DNAJC24: variants seen among roughly 807,000 people sequenced by gnomAD.
DNAJC24 encodes dnaJ homolog subfamily C member 24.
Under a neutral mutation model 18.0 loss-of-function variants are expected in DNAJC24, and 17 were observed. That is an observed-to-expected ratio of 0.94 (90% CI 0.65 to 1.42). The LOEUF is 1.42. Ranked by LOEUF, DNAJC24 falls within the 40% of genes most tolerant of loss-of-function variation. DNAJC24 has a pLI of 0.00. For missense variants in DNAJC24, 158 were observed against 175.6 expected, an observed-to-expected ratio of 0.90 and a Z score of 0.57; for synonymous variants, 55 against 57.7, an observed-to-expected ratio of 0.95 and a Z score of 0.21.
At chr11:31,415,544 A>C (rs1591918724) in intron 3 of DNAJC24, 1 of 152,258 alleles carries the variant, frequency 6.6e-6, no homozygotes, top group South Asian at 2.1e-4. Flanking sequence ...TGAGAAAGAA[A>C]GAGGGAAATG....
intron 2 of DNAJC24, among the ~76,000 whole-genome samples, chr11:31,394,071 A>G (rs572492639): frequency 6.6e-6 from 1 of 152,288 alleles, no homozygotes; most frequent in African/African-American, 2.4e-5. Context: ...CAGCACTGTA[A>G]CTCATGCCTG....
rs183086582 is a variant in DNAJC24, at chr11:31,380,151, A to G, written c.111+9292A>G. On this transcript the variant is annotated intron_variant, in intron 2 of 4. Transcript: ENST00000465995. Reference sequence around the variant, plus strand: ...AATCTATGAAGAGATGATTTAGGGCATTATTATATTTATCACATAGTCTAG... The same window carrying G: ...AATCTATGAAGAGATGATTTAGGGCGTTATTATATTTATCACATAGTCTAG... Among the ~76,000 whole-genome samples, 1,277 of 152,328 alleles carry G rather than the reference A, an allele frequency of 8.4e-3. 7 individuals carry two copies. The highest frequency in any genetic ancestry group is 0.012 in the Non-Finnish European group (800 of 68,028).
At position 31,370,771 on chromosome 11, in the gene DNAJC24, C is replaced by T; in HGVS notation, c.23C>T (p.Pro8Leu). The change falls in exon 2 of 5, where the codon CCA (proline) becomes CTA (leucine). Residue 8 changes from proline to leucine, a missense_variant. Physicochemically the swap from Pro to Leu is moderately conservative, Grantham distance 98 (BLOSUM62 -3). Coordinates refer to ENST00000465995, the MANE Select transcript of DNAJC24 (RefSeq NM_181706.5). Reference protein sequence around the residue: MMAVEQMPKKDWYSILGA... With the variant: MMAVEQMLKKDWYSILGA... ...TGGATGATGGCGGTTGAGCAGATGC[C>T]AAAAAAGGATTGGTACAGCATCCTG... 1 of 1,608,716 alleles carries T rather than the reference C, an allele frequency of 6.2e-7. No homozygotes were observed. The highest frequency in any genetic ancestry group is 8.5e-7 in the Non-Finnish European group (1 of 1,178,242).
At chr11:31,399,502 C>T (rs1445254468) in intron 2 of DNAJC24, among the ~76,000 whole-genome samples, 1 of 151,480 alleles carries the variant, frequency 6.6e-6, no homozygotes, top group Non-Finnish European at 1.5e-5. Flanking sequence ...GCAACCCTGC[C>T]TCCTGGGTTC....
At chr11:31,371,814 C>CTTTT (rs1196949855) in intron 2 of DNAJC24, among the ~76,000 whole-genome samples, 1 of 73,844 alleles carries the variant, frequency 1.4e-5, no homozygotes, top group Non-Finnish European at 2.8e-5. Flanking sequence ...TATCAGTTGA[C>CTTTT]TTTTTTTTTT....
intron 2 of DNAJC24, among the ~76,000 whole-genome samples, chr11:31,386,988 G>A (rs1952436445): frequency 6.6e-6 from 1 of 152,196 alleles, no homozygotes; most frequent in Non-Finnish European, 1.5e-5. Flanking sequence ...GGATGGTGGT[G>A]ACCATAGGGG....
intron 3 of DNAJC24, among the ~76,000 whole-genome samples, chr11:31,422,563 G>A (rs1952817183): frequency 6.6e-6 from 1 of 152,014 alleles, no homozygotes; most frequent in African/African-American, 2.4e-5. Context: ...GGGAACTTTA[G>A]GAGATAGGAT....
intron 2 of DNAJC24, among the ~76,000 whole-genome samples, chr11:31,391,382 T>C (rs532331664): frequency 1.3e-5 from 2 of 152,268 alleles, no homozygotes; most frequent in South Asian, 4.2e-4. Context: ...AAGGGGTTAA[T>C]AACCAGAATG....
At position 31,424,960 on chromosome 11, in the gene DNAJC24, G is replaced by GT. The variant is rs574752603; in HGVS notation, c.251-1318dup. Among the ~76,000 whole-genome samples the GT allele has an allele frequency of 2.8e-4, 42 of 151,144 alleles. 1 individual carries two copies. The highest frequency in any genetic ancestry group is 8.4e-4 in the South Asian group (4 of 4,748). Reference sequence around the variant, plus strand: ...GGGGTGGGGAGTGGATTTTAGTAGAGTTTTTTTTTGTTTTTTTCTTTTTTC... The same window carrying GT: ...GGGGTGGGGAGTGGATTTTAGTAGAGTTTTTTTTTTGTTTTTTTCTTTTTTC... On this transcript the variant is annotated intron_variant, in intron 3 of 4. Transcript: ENST00000465995.
At chr11:31,392,702 C>A (rs1026447433) in intron 2 of DNAJC24, among the ~76,000 whole-genome samples, 3 of 148,766 alleles carry the variant, frequency 2.0e-5, no homozygotes, top group African/African-American at 4.9e-5. Flanking sequence ...AAATCCCTCA[C>A]AATTTTCTTT....
At chr11:31,429,543 G>A in intron 4 of DNAJC24, 1 of 369,890 alleles carries the variant, frequency 2.7e-6, no homozygotes. Flanking sequence ...TAAGTCAAAG[G>A]GCACAAGCAT....
intron 2 of DNAJC24, among the ~76,000 whole-genome samples, chr11:31,410,740 G>GT (rs1360816373): frequency 6.6e-6 from 1 of 152,106 alleles, no homozygotes; most frequent in East Asian, 1.9e-4. Flanking sequence ...ATATCCAGTT[G>GT]TTTCGAAACA....
chr11:31,373,515 T>C (rs1952285885), intron 2 of DNAJC24, among the ~76,000 whole-genome samples: 1 of 135,582 alleles, frequency 7.4e-6, no homozygotes, highest in South Asian at 2.4e-4. Flanking sequence ...ATAATCAGTC[T>C]CAAAGTCATT....
In DNAJC24 at chr11:31,430,315, A is replaced by G. The variant is rs1952907635; in HGVS notation, c.364A>G (p.Ser122Gly). 6.2e-7 allele frequency: 1 copy of G among 1,611,428 alleles called. No homozygotes were observed. Among genetic ancestry groups the G allele is most frequent in the Non-Finnish European group, 8.5e-7 (1 of 1,178,132 alleles). ...GAGTTGCAGATGTGGTGGAAAATAC[A>G]GTGTTTCCAAGGATGAAGCGGAAGA... is the stretch of plus-strand genomic sequence containing the variant. ...YLSCRCGGKY[S>G]VSKDEAEEVS... Residue 122 changes from serine to glycine, a missense_variant, in exon 5 of 5, where the codon AGT (serine) becomes GGT (glycine). Coordinates refer to ENST00000465995, the MANE Select transcript of DNAJC24 (RefSeq NM_181706.5).
chr11:31,428,436 C>T (rs959942342), intron 4 of DNAJC24, among the ~76,000 whole-genome samples: 7 of 151,852 alleles, frequency 4.6e-5, no homozygotes, highest in African/African-American at 1.7e-4. Flanking sequence ...AATTTTTTTT[C>T]CAATTAAAAA....
At chr11:31,376,071 C>T (rs1021549960) in intron 2 of DNAJC24, among the ~76,000 whole-genome samples, 13 of 84,692 alleles carry the variant, frequency 1.5e-4, no homozygotes, top group African/African-American at 3.8e-4. Flanking sequence ...GAGGGGGTTC[C>T]CCCATATTGT....
At chr11:31,383,737 G>A (rs977789469) in intron 2 of DNAJC24, among the ~76,000 whole-genome samples, 5 of 152,210 alleles carry the variant, frequency 3.3e-5, no homozygotes, top group African/African-American at 9.6e-5. Context: ...GAGGAAAAAA[G>A]GGCAAGGGCC....
Position 31,371,383 on chromosome 11 carries a change from A to G in DNAJC24, c.111+524A>G, listed in dbSNP as rs186135287. On this transcript the variant is annotated intron_variant, in intron 2 of 4. Transcript: ENST00000465995. ...AGTTCACTGGTTTTATTTTTCCTCT[A>G]CTGTGTCCATCTGCTGATAAACTTC... Among the ~76,000 whole-genome samples, 289 of 152,322 alleles carry G rather than the reference A, an allele frequency of 1.9e-3. 4 individuals are homozygous for G. Among genetic ancestry groups the G allele is most frequent in the East Asian group, 9.6e-4 (5 of 5,190 alleles).
chr11:31,428,843 T>A (rs1372256493), intron 4 of DNAJC24, among the ~76,000 whole-genome samples: 1 of 152,178 alleles, frequency 6.6e-6, no homozygotes, highest in Non-Finnish European at 1.5e-5. Context: ...TTTTACAAGA[T>A]GTGAATTTTT....
Sources: gnomAD v4.1 joint callset for allele counts (sites outside exome capture counted in the v4.1 genomes callset) on GRCh38, gnomAD v4.1.1 for gene constraint, MANE v1.5 for transcripts, NCBI Gene and HGNC (gene_info 2026-07-23, HGNC 2026-07-21) for gene names.